The following RBFOX1 variants were observed in gnomAD, a reference collection of about 807,000 sequenced individuals.
RBFOX1 encodes the protein RNA binding fox-1 homolog 1, also known as RNA binding protein fox-1 homolog 1.
Under a neutral mutation model 57.7 loss-of-function variants are expected in RBFOX1, and 8 were observed. The ratio of observed to expected loss-of-function variants is 0.14; its 90% CI spans 0.08 to 0.25. The LOEUF is 0.25. RBFOX1 is among the 10% of genes least tolerant of loss of function. RBFOX1 has a pLI of 1.00. For synonymous variants in RBFOX1, 326 were observed against 222.4 expected, an observed-to-expected ratio of 1.47 and a Z score of -4.15; for missense variants, 611 against 548.5, an observed-to-expected ratio of 1.11 and a Z score of -1.14.
intron 2 of RBFOX1, among the ~76,000 whole-genome samples, chr16:6,474,800 A>G (rs571800848): frequency 1.3e-5 from 2 of 152,332 alleles, no homozygotes; most frequent in African/African-American, 4.8e-5. Flanking sequence ...AAAAACTTAA[A>G]TACGGTGCCC....
intron 4 of RBFOX1, among the ~76,000 whole-genome samples, chr16:7,501,925 C>T (rs533642936): frequency 6.6e-6 from 1 of 152,258 alleles, no homozygotes; most frequent in South Asian, 2.1e-4. Context: ...CTGTAGCCCC[C>T]AAACATAGCA....
At chr16:5,406,749 A>G (rs1046573192) in intron 1 of RBFOX1, among the ~76,000 whole-genome samples, 3 of 152,274 alleles carry the variant, frequency 2.0e-5, no homozygotes, top group Non-Finnish European at 4.4e-5. Context: ...ACATTACACA[A>G]TGGGTCCTGC....
At chr16:7,253,906 G>GGATT in intron 4 of RBFOX1, among the ~76,000 whole-genome samples, 1 of 152,270 alleles carries the variant, frequency 6.6e-6, no homozygotes, top group African/African-American at 2.4e-5. Context: ...ACCTGAATCT[G>GGATT]AAGAGTCTTT....
At chr16:6,644,656 G>A (rs1447453090) in intron 2 of RBFOX1, among the ~76,000 whole-genome samples, 3 of 152,112 alleles carry the variant, frequency 2.0e-5, no homozygotes, top group African/African-American at 7.2e-5. Flanking sequence ...TAAGCATCCT[G>A]GTCTTTTCTT....
intron 4 of RBFOX1, among the ~76,000 whole-genome samples, chr16:7,083,560 T>C (rs2059526218): frequency 6.6e-6 from 1 of 152,176 alleles, no homozygotes; most frequent in African/African-American, 2.4e-5. Flanking sequence ...GGTTTCTTTG[T>C]TGGCTTTCTC....
At chr16:5,967,895 A>C (rs958149887) in intron 4 of RBFOX1, among the ~76,000 whole-genome samples, 2 of 152,098 alleles carry the variant, frequency 1.3e-5, no homozygotes, top group African/African-American at 2.4e-5. Context: ...TTTGCTTTGC[A>C]TGTGGTATCC....
chr16:6,587,603 G>T (rs1433449089), intron 2 of RBFOX1, among the ~76,000 whole-genome samples: 2 of 152,048 alleles, frequency 1.3e-5, no homozygotes, highest in Non-Finnish European at 2.9e-5. Flanking sequence ...TTCCTTTAAG[G>T]CATCTTAATG....
At chr16:6,591,008 C>A (rs1241391838) in intron 2 of RBFOX1, among the ~76,000 whole-genome samples, 1 of 152,144 alleles carries the variant, frequency 6.6e-6, no homozygotes, top group Non-Finnish European at 1.5e-5. Flanking sequence ...CCTCTCTGAA[C>A]TTGGTTTTGG....
intron 2 of RBFOX1, among the ~76,000 whole-genome samples, chr16:6,649,528 C>A (rs1159659674): frequency 1.3e-5 from 2 of 152,186 alleles, no homozygotes; most frequent in Admixed American, 1.3e-4. Flanking sequence ...CCGACACTTT[C>A]CCCTGAGTCC....
At chr16:6,863,858 G>T (rs527743668) in intron 3 of RBFOX1, among the ~76,000 whole-genome samples, 1 of 149,906 alleles carries the variant, frequency 6.7e-6, no homozygotes, top group South Asian at 2.1e-4. Context: ...CAAATACCAA[G>T]TTCTTTACTG....
chr16:6,075,387 T>C (rs956811745), intron 1 of RBFOX1, among the ~76,000 whole-genome samples: 1 of 152,206 alleles, frequency 6.6e-6, no homozygotes, highest in Non-Finnish European at 1.5e-5. Context: ...CTAGGTGCTG[T>C]GATAAACACT....
intron 3 of RBFOX1, among the ~76,000 whole-genome samples, chr16:7,032,467 A>G (rs2043057186): frequency 1.3e-5 from 2 of 152,046 alleles, no homozygotes; most frequent in Non-Finnish European, 2.9e-5. Flanking sequence ...AAATAAATAA[A>G]TAATAAAAAT....
intron 6 of RBFOX1, among the ~76,000 whole-genome samples, chr16:7,580,853 T>G (rs1359936690): frequency 6.6e-6 from 1 of 152,222 alleles, no homozygotes; most frequent in Non-Finnish European, 1.5e-5. Context: ...GCCTCTGGAT[T>G]CAATGAAAAG....
rs755144504 is a variant in RBFOX1 at position 6,647,839 on chromosome 16, AT to A, written c.-63-6763del. ...AGCCTTGACTGCCTAGGGATAAGTGATCCCCTTCTCTTTGTTTTGAAACAGA... is the reference window on the plus strand; with the variant it reads ...AGCCTTGACTGCCTAGGGATAAGTGACCCCTTCTCTTTGTTTTGAAACAGA... On this transcript the variant is annotated intron_variant, in intron 2 of 15. Coordinates refer to ENST00000550418, the MANE Select transcript of RBFOX1 (RefSeq NM_018723.4). Among the ~76,000 whole-genome samples the A allele has an allele frequency of 9.2e-5, 14 of 152,126 alleles. No individual in the cohort carries two copies. The Middle Eastern group carries it at 0.01, about 111-fold the overall frequency.
intron 1 of RBFOX1, among the ~76,000 whole-genome samples, chr16:6,080,442 C>A (rs1360766063): frequency 2.6e-5 from 4 of 152,168 alleles, no homozygotes; most frequent in African/African-American, 4.8e-5. Context: ...ATGCACCAAG[C>A]ATTGGCCTGT....
intron 1 of RBFOX1, among the ~76,000 whole-genome samples, chr16:6,082,347 A>ATTTTTTTTTTTTTTTTTTTT (rs71142677): frequency 4.9e-5 from 2 of 41,040 alleles, no homozygotes; most frequent in Non-Finnish European, 9.0e-5. Context: ...CACCTGGCTA[A>ATTTTTTTTTTTTTTTTTTTT]TTTTTTTTTT....
chr16:5,555,677 G>A (rs966382921), intron 2 of RBFOX1, among the ~76,000 whole-genome samples: 6 of 152,090 alleles, frequency 3.9e-5, no homozygotes, highest in Admixed American at 3.3e-4. Flanking sequence ...TGAGGATTGA[G>A]GGCAGAGACG....
At chr16:5,547,625 G>T (rs1396609761) in intron 2 of RBFOX1, among the ~76,000 whole-genome samples, 1 of 152,156 alleles carries the variant, frequency 6.6e-6, no homozygotes, top group Non-Finnish European at 1.5e-5. Flanking sequence ...AAGGATGAGA[G>T]GGAGAGATTA....
intron 1 of RBFOX1, among the ~76,000 whole-genome samples, chr16:6,024,792 C>T (rs2095155540): frequency 6.6e-6 from 1 of 152,218 alleles, no homozygotes; most frequent in Admixed American, 6.5e-5. Flanking sequence ...CCTCATTCAC[C>T]CCTACTTTCT....
Sources: allele counts gnomAD v4.1 joint callset (sites outside exome capture counted in the v4.1 genomes callset), GRCh38; gene constraint gnomAD v4.1.1; transcripts MANE v1.5; gene names NCBI Gene and HGNC (gene_info 2026-07-23, HGNC 2026-07-21).